INTS6: variants seen among roughly 807,000 people sequenced by gnomAD.
INTS6 encodes DEAD box protein.
A neutral mutation model predicts 104.9 loss-of-function variants in INTS6; 16 were observed. The observed-to-expected ratio is 0.15, with a 90% confidence interval of 0.10 to 0.23. The LOEUF (loss-of-function observed/expected upper bound fraction) is 0.23. Ranked by LOEUF, INTS6 falls within the 10% of genes least tolerant of loss-of-function variation. The pLI is 1.00. For missense variants in INTS6, 584 were observed against 1,062.8 expected (o/e 0.55, Z 6.26); for synonymous variants, 324 against 358.7 (o/e 0.90, Z 1.09).
intron 3 of INTS6, chr13:51,443,573 T>G (rs2138149494): frequency 6.6e-6 from 1 of 152,306 alleles, no homozygotes; most frequent in African/African-American, 2.4e-5. Flanking sequence ...AAATTACTTT[T>G]TTAAGCTGAG....
At chr13:51,396,045 G>A (rs964901566) in intron 4 of INTS6, among the ~76,000 whole-genome samples, 1 of 151,926 alleles carries the variant, frequency 6.6e-6, no homozygotes, top group African/African-American at 2.4e-5. Context: ...TGACCCACAC[G>A]CCTCGGCCTC....
At chr13:51,447,914 C>CA (rs1952953562) in intron 3 of INTS6, 1 of 151,870 alleles carries the variant, frequency 6.6e-6, no homozygotes, top group South Asian at 2.1e-4. Context: ...CAAAATTAAC[C>CA]AGGCATGGTG....
intron 4 of INTS6, among the ~76,000 whole-genome samples, chr13:51,408,433 C>A (rs1318106621): frequency 6.6e-6 from 1 of 152,200 alleles, no homozygotes; most frequent in East Asian, 1.9e-4. Context: ...GCAAGAGCCA[C>A]TGCACCCGGT....
At position 51,452,002 on chromosome 13, in the gene INTS6, G is replaced by A. The variant is rs769789762; in HGVS notation, c.165C>T (p.Phe55=). ...CCTTGATAGCATAGGGCGGCTCTTC[G>A]AAAGTGACCAGCATATACCTGTCTC... ...SRGDRYMLVT[F]EEPPYAIKAG... The change falls in exon 2 of 18, where the codon TTC becomes TTT. Residue 55 remains phenylalanine, a synonymous_variant. Coordinates refer to ENST00000311234, the MANE Select transcript of INTS6 (RefSeq NM_012141.3). The surrounding 1 kb of genome is among the most constrained non-coding windows in gnomAD (Gnocchi z 4.2). 1 of 1,609,810 alleles carries A rather than the reference G, an allele frequency of 6.2e-7. No individual in the cohort carries two copies. The highest frequency in any genetic ancestry group is 1.1e-5 in the South Asian group (1 of 90,940).
At chr13:51,436,503 T>C (rs1381871536) in intron 3 of INTS6, 1 of 152,208 alleles carries the variant, frequency 6.6e-6, no homozygotes, top group East Asian at 1.9e-4. Context: ...TGGAATACTA[T>C]GACTTAAGCA....
At chr13:51,377,416 AC>A (rs1208481414) in intron 12 of INTS6, among the ~76,000 whole-genome samples, 1 of 152,136 alleles carries the variant, frequency 6.6e-6, no homozygotes, top group African/African-American at 2.4e-5. Flanking sequence ...ATCTTTGCTA[AC>A]TCAACATCAC....
chr13:51,365,553 T>G lies in INTS6; in HGVS notation c.*199A>C. The G allele has an allele frequency of 2.8e-6, 1 of 360,990 alleles. No individual in the cohort carries two copies. The highest frequency in any genetic ancestry group is 4.5e-5 in the East Asian group (1 of 22,280). 22.4% of individuals were successfully genotyped at this position (360,990 alleles called of 1,614,324 possible). Reference sequence around the variant, plus strand: ...AAATTAAAAATGTTTTTTAGAGTGATACTTTTCACATTACAAAAATAAACC... The same window carrying G: ...AAATTAAAAATGTTTTTTAGAGTGAGACTTTTCACATTACAAAAATAAACC... On this transcript the variant is annotated 3_prime_UTR_variant, in exon 18 of 18. Coordinates refer to ENST00000311234, the MANE Select transcript of INTS6 (RefSeq NM_012141.3).
intron 14 of INTS6, 52 bp downstream of exon 14, chr13:51,374,602 A>T: frequency 6.3e-7 from 1 of 1,597,178 alleles, no homozygotes; most frequent in Non-Finnish European, 8.5e-7. Flanking sequence ...GAACTATAAA[A>T]CTGACAGTGC....
intron 6 of INTS6, among the ~76,000 whole-genome samples, chr13:51,388,199 G>A (rs1341936490): frequency 6.6e-6 from 1 of 151,992 alleles, no homozygotes; most frequent in East Asian, 1.9e-4. Flanking sequence ...TTTCGTTAAA[G>A]CAGACATGAC....
intron 10 of INTS6, among the ~76,000 whole-genome samples, chr13:51,381,093 A>G (rs1956041363): frequency 1.3e-5 from 2 of 152,236 alleles, no homozygotes; most frequent in Admixed American, 1.3e-4. Context: ...AATACAGTAT[A>G]AAAGTATATA....
At position 51,452,671 on chromosome 13, in the gene INTS6, C is replaced by CG; in HGVS notation, c.-147_-146insC. The CG allele has an allele frequency of 7.0e-7, 1 of 1,420,598 alleles. No homozygotes were observed. The highest frequency in any genetic ancestry group is 2.6e-4 in the Middle Eastern group (1 of 3,864). 88.0% of individuals were successfully genotyped at this position (1,420,598 alleles called of 1,614,324 possible). On this transcript the variant is annotated 5_prime_UTR_variant, in exon 1 of 18. Coordinates refer to ENST00000311234, the MANE Select transcript of INTS6 (RefSeq NM_012141.3). This position sits in a 1 kb window ranked among gnomAD's most constrained non-coding sequence, Gnocchi z 4.2. The stretch of plus-strand genomic sequence containing the variant: ...AACACTGTCTGGGTCTTTCCTCCGG[C>CG]TGCGGGGAGTTTCTCCCCCGATAGT...
intron 7 of INTS6, among the ~76,000 whole-genome samples, chr13:51,386,438 A>C (rs117146453): frequency 0.011 from 1,730 of 152,322 alleles, 26 homozygotes; most frequent in East Asian, 0.071. Flanking sequence ...CAGACTAAAA[A>C]ACTATGATGG....
intron 4 of INTS6, among the ~76,000 whole-genome samples, chr13:51,425,666 G>A (rs766042810): frequency 6.6e-6 from 1 of 152,028 alleles, no homozygotes; most frequent in Non-Finnish European, 1.5e-5. Context: ...ATGTGTTCCT[G>A]GAATCATAGT....
intron 4 of INTS6, among the ~76,000 whole-genome samples, chr13:51,425,703 G>C (rs923364093): frequency 6.6e-6 from 1 of 152,046 alleles, no homozygotes; most frequent in African/African-American, 2.4e-5. Context: ...TTGCAAAGCA[G>C]TACTAGAGAG....
intron 5 of INTS6, among the ~76,000 whole-genome samples, chr13:51,390,554 T>C (rs1200651975): frequency 6.6e-6 from 1 of 152,040 alleles, no homozygotes; most frequent in Non-Finnish European, 1.5e-5. Context: ...ACATTATTTG[T>C]AATAAGCTCA....
At chr13:51,393,575 G>A (rs758465225) in intron 5 of INTS6, among the ~76,000 whole-genome samples, 2 of 152,124 alleles carry the variant, frequency 1.3e-5, no homozygotes, top group Non-Finnish European at 2.9e-5. Context: ...TGACATTTGA[G>A]CGGCTTACTC....
Position 51,376,157 on chromosome 13 carries a change from T to C in INTS6, c.1620A>G (p.Thr540=). 1 of 1,607,112 alleles carries C rather than the reference T, an allele frequency of 6.2e-7. No homozygotes were observed. ...TTGGTATGTCATAAGCATTTCTAAA[T>C]GTCTGTGGCTTCAAATCCTATTAAA... ...ALLNKDLKPQ[T]FRNAYDIPRR... is the part of the protein sequence containing the mutation. The change falls in exon 13 of 18, where the codon ACA becomes ACG. Residue 540 remains threonine (T), a synonymous_variant. Coordinates refer to ENST00000311234, the MANE Select transcript of INTS6 (RefSeq NM_012141.3).
At chr13:51,421,563 A>G (rs1956896354) in intron 4 of INTS6, among the ~76,000 whole-genome samples, 1 of 152,188 alleles carries the variant, frequency 6.6e-6, no homozygotes, top group African/African-American at 2.4e-5. Flanking sequence ...CTACAGTATT[A>G]CATCTGAAAA....
chr13:51,382,963 G>C (rs1956079855), intron 9 of INTS6, among the ~76,000 whole-genome samples: 1 of 152,134 alleles, frequency 6.6e-6, no homozygotes, highest in African/African-American at 2.4e-5. Context: ...TGTAGTCCCA[G>C]CTACTTGGGA....
Sources: gnomAD v4.1 joint callset for allele counts (sites outside exome capture counted in the v4.1 genomes callset) on GRCh38, gnomAD v4.1.1 for gene constraint, Gnocchi (gnomAD v3.1) non-coding constraint, MANE v1.5 for transcripts, NCBI Gene and HGNC (gene_info 2026-07-23, HGNC 2026-07-21) for gene names.